Variants in ZMAT4 observed in about 807,000 individuals in gnomAD.
ZMAT4 encodes the protein zinc finger matrin-type protein 4.
In ZMAT4, 17 loss-of-function variants were observed where a neutral mutation model predicts 28.7. That is an observed-to-expected ratio of 0.59 (90% CI 0.41 to 0.89). The LOEUF is 0.89. ZMAT4 is among the 40% of genes least tolerant of loss of function. ZMAT4 has a pLI of 0.00. For synonymous variants in ZMAT4, 117 were observed against 109.2 expected (o/e 1.07, Z -0.44); for missense variants, 240 against 283.8 (o/e 0.85, Z 1.11).
At chr8:40,669,790 T>G (rs1355208787) in intron 5 of ZMAT4, among the ~76,000 whole-genome samples, 1 of 152,146 alleles carries the variant, frequency 6.6e-6, no homozygotes, top group Non-Finnish European at 1.5e-5. Context: ...TGTAGGGGGT[T>G]GGTGCCCCTG....
chr8:40,708,571 T>TTCTCTCTCTCTCTCTCTC (rs36210172), intron 3 of ZMAT4, among the ~76,000 whole-genome samples: 1 of 120,980 alleles, frequency 8.3e-6, no homozygotes. Context: ...TACACACTCT[T>TTCTCTCTCTCTCTCTCTC]TCTCTCTCTC....
intron 1 of ZMAT4, among the ~76,000 whole-genome samples, chr8:40,865,591 G>T (rs967466914): frequency 6.6e-6 from 1 of 152,184 alleles, no homozygotes. Flanking sequence ...AGCCAGCTGG[G>T]GGATTGAAAT....
chr8:40,560,489 T>G (rs979907711), intron 6 of ZMAT4, among the ~76,000 whole-genome samples: 5 of 151,982 alleles, frequency 3.3e-5, no homozygotes, highest in Non-Finnish European at 7.4e-5. Context: ...TGCTTTAGCC[T>G]CCTGGGTACA....
chr8:40,627,528 T>C (rs903972490), intron 5 of ZMAT4, among the ~76,000 whole-genome samples: 5 of 152,214 alleles, frequency 3.3e-5, no homozygotes, highest in African/African-American at 4.8e-5. Flanking sequence ...CCTAAAATAT[T>C]CAATAACATT....
rs1554523988 is a variant in ZMAT4 at position 40,589,731 on chromosome 8, C to CTTT, written c.578-8471_578-8470insAAA. 3.3e-3 allele frequency among the ~76,000 whole-genome samples: 459 copies of CTTT among 139,380 alleles called. 5 individuals carry two copies. Among genetic ancestry groups the CTTT allele is most frequent in the East Asian group, 0.019 (89 of 4,722 alleles). 91.4% of individuals were successfully genotyped at this position (139,380 alleles called of 152,430 possible). ...CTTCTTCCTTCTTCCTTCTTCCTTT[C>CTTT]CTTTCTTTCTTTCTTTCTTTCTTTC... is the stretch of plus-strand genomic sequence containing the variant. On this transcript the variant is annotated intron_variant, in intron 5 of 6. Transcript: ENST00000297737.
intron 5 of ZMAT4, among the ~76,000 whole-genome samples, chr8:40,647,780 G>A (rs907427675): frequency 2.0e-5 from 3 of 151,464 alleles, no homozygotes; most frequent in African/African-American, 7.4e-5. Flanking sequence ...TGACCCCCGA[G>A]CAGCCTAACT....
intron 5 of ZMAT4, among the ~76,000 whole-genome samples, chr8:40,585,030 A>G (rs548304449): frequency 6.6e-6 from 1 of 152,304 alleles, no homozygotes; most frequent in East Asian, 1.9e-4. Context: ...AACAAAGAGT[A>G]GAGTTTCCTG....
chr8:40,845,359 TTGATTGCCCACAGAAGAGGA>T, intron 1 of ZMAT4, among the ~76,000 whole-genome samples: 1 of 152,178 alleles, frequency 6.6e-6, no homozygotes, highest in Non-Finnish European at 1.5e-5. Context: ...TGACAGTCTG[TTGATTGCCCACAGAAGAGGA>T]CAAAAAGTTA....
chr8:40,596,332 T>C (rs1805102964), intron 5 of ZMAT4, among the ~76,000 whole-genome samples: 1 of 152,214 alleles, frequency 6.6e-6, no homozygotes, highest in Non-Finnish European at 1.5e-5. Context: ...CAATAATAAA[T>C]CAACTTCAGC....
chr8:40,790,370 A>G (rs935001405), intron 2 of ZMAT4, among the ~76,000 whole-genome samples: 21 of 152,230 alleles, frequency 1.4e-4, no homozygotes, highest in Non-Finnish European at 2.6e-4. Context: ...CAAGATTGAT[A>G]TCTAAAACCA....
At chr8:40,763,722 T>C (rs1256899097) in intron 3 of ZMAT4, among the ~76,000 whole-genome samples, 9 of 152,154 alleles carry the variant, frequency 5.9e-5, no homozygotes, top group Non-Finnish European at 1.5e-5. Flanking sequence ...TTAGATTAGA[T>C]TGATTCTTCC....
At chr8:40,630,651 A>G (rs1806541145) in intron 5 of ZMAT4, among the ~76,000 whole-genome samples, 1 of 152,244 alleles carries the variant, frequency 6.6e-6, no homozygotes, top group Non-Finnish European at 1.5e-5. Flanking sequence ...TGTAAGCTGT[A>G]CCATATTACA....
chr8:40,608,780 A>T (rs983574490), intron 5 of ZMAT4, among the ~76,000 whole-genome samples: 2 of 152,042 alleles, frequency 1.3e-5, no homozygotes, highest in African/African-American at 2.4e-5. Context: ...CTTTACCCCT[A>T]TATTTCACTC....
intron 5 of ZMAT4, among the ~76,000 whole-genome samples, chr8:40,584,778 C>T (rs1177732895): frequency 6.6e-6 from 1 of 152,082 alleles, no homozygotes; most frequent in Non-Finnish European, 1.5e-5. Context: ...GGATTACAGG[C>T]AAGTGTCACC....
chr8:40,641,291 G>T (rs894158695), intron 5 of ZMAT4, among the ~76,000 whole-genome samples: 6 of 152,276 alleles, frequency 3.9e-5, no homozygotes, highest in African/African-American at 1.4e-4. Flanking sequence ...GAAAAGAGAA[G>T]ATGGCTGAGG....
chr8:40,885,950 C>G (rs139591329), intron 1 of ZMAT4, among the ~76,000 whole-genome samples: 24 of 152,344 alleles, frequency 1.6e-4, no homozygotes, highest in Admixed American at 3.9e-4. Context: ...CCATCTCCCC[C>G]ACTTGAATCT....
chr8:40,664,408 CA>C, intron 5 of ZMAT4, among the ~76,000 whole-genome samples: 1 of 152,290 alleles, frequency 6.6e-6, no homozygotes, highest in South Asian at 2.1e-4. Flanking sequence ...CATAGCTATT[CA>C]GATTTTGACA....
At chr8:40,858,800 C>T (rs1257875551) in intron 1 of ZMAT4, among the ~76,000 whole-genome samples, 1 of 152,172 alleles carries the variant, frequency 6.6e-6, no homozygotes, top group Non-Finnish European at 1.5e-5. Flanking sequence ...GCTCATCTTC[C>T]TGCCCCTGGT....
In ZMAT4 at chr8:40,804,796, G is replaced by A. The variant is rs183852700; in HGVS notation, c.102+20779C>T. On this transcript the variant is annotated intron_variant, in intron 2 of 6. Transcript: ENST00000297737. The stretch of plus-strand genomic sequence containing the variant: ...GTGGAGGTTGCAGTGAGCCGAGATC[G>A]GGCCATTGCACTCCAGCCTGGGTGA... Among the ~76,000 whole-genome samples, 1,247 of 152,066 alleles carry A rather than the reference G, an allele frequency of 8.2e-3. 23 individuals are homozygous for A. The highest frequency in any genetic ancestry group is 0.028 in the African/African-American group (1,179 of 41,472).
Sources: allele counts gnomAD v4.1 joint callset (sites outside exome capture counted in the v4.1 genomes callset), GRCh38; gene constraint gnomAD v4.1.1; transcripts MANE v1.5; gene names NCBI Gene and HGNC (gene_info 2026-07-23, HGNC 2026-07-21).